UNC13B: variants seen among roughly 807,000 people sequenced by gnomAD.
UNC13B encodes unc-13 homolog B.
UNC13B carries 144 observed loss-of-function variants against 211.0 expected under a neutral mutation model. The observed-to-expected ratio is 0.68, with a 90% CI of 0.60 to 0.78. The LOEUF (loss-of-function observed/expected upper bound fraction) is 0.78, where lower values mean the gene tolerates loss of function less well. UNC13B is among the 30% of genes least tolerant of loss of function. The pLI, the probability that UNC13B is intolerant of heterozygous loss-of-function variation, is 0.00. For missense variants in UNC13B, 1,777 were observed against 2,002.0 expected, an observed-to-expected ratio of 0.89 and a Z score of 2.14; for synonymous variants, 709 against 725.8, an observed-to-expected ratio of 0.98 and a Z score of 0.37.
chr9:35,315,115 C>T (rs1478047446), intron 11 of UNC13B, among the ~76,000 whole-genome samples: 1 of 145,894 alleles, frequency 6.9e-6, no homozygotes, highest in Non-Finnish European at 1.5e-5. Flanking sequence ...TGGTCTTGAA[C>T]TCCTGGCCTG....
chr9:35,213,763 G>A (rs575200053), intron 1 of UNC13B, among the ~76,000 whole-genome samples: 9 of 152,250 alleles, frequency 5.9e-5, no homozygotes, highest in African/African-American at 1.2e-4. Flanking sequence ...TCTGACTTGA[G>A]TATTCATAAC....
chr9:35,316,270 CATT>C (rs1830444994), intron 11 of UNC13B, among the ~76,000 whole-genome samples: 1 of 152,124 alleles, frequency 6.6e-6, no homozygotes, highest in Admixed American at 6.5e-5. Flanking sequence ...CCTTTTCTCT[CATT>C]AATTTATTTA....
At chr9:35,364,802 G>A (rs544468633) in intron 11 of UNC13B, among the ~76,000 whole-genome samples, 15 of 152,304 alleles carry the variant, frequency 9.8e-5, no homozygotes, top group African/African-American at 2.9e-4. Flanking sequence ...GCGAGAATGT[G>A]TGTGCACCAG....
chr9:35,163,770 G>C (rs1014396249), intron 1 of UNC13B, among the ~76,000 whole-genome samples: 1 of 152,138 alleles, frequency 6.6e-6, no homozygotes, highest in Non-Finnish European at 1.5e-5. Context: ...TAGCAGGCAG[G>C]TTTCATTGTC....
rs1269030526 is a variant in UNC13B at position 35,277,100 on chromosome 9, T to G, written c.526+18050T>G. On this transcript the variant is annotated intron_variant, in intron 7 of 39. Coordinates refer to ENST00000635942, the MANE Select transcript of UNC13B (RefSeq NM_001371189.2). ...TCTTTGGTTTCTTAGTTTTGCTGTC[T>G]GATATGTTAGGTACTCAGGGAGTGA... Among the ~76,000 whole-genome samples, 3 of 152,116 alleles carry G rather than the reference T, an allele frequency of 2.0e-5. No individual in the cohort carries two copies. In the East Asian group the frequency reaches 5.8e-4, roughly 29 times the overall value.
In UNC13B at chr9:35,237,791, A is replaced by C. The variant is rs778739015; in HGVS notation, c.359A>C (p.Lys120Thr). Residue 120 changes from lysine (K) to threonine (T), a missense_variant, in exon 5 of 40, where the codon AAA becomes ACA. By Grantham distance (78) the Lys-to-Thr change is moderately conservative. Transcript: ENST00000635942. ...GGAACTAGAAACCCAACTCCTCATA[A>C]AATTTTGCTTGATACAAGATTTGAG... ...ICGTRNPTPH[K>T]ILLDTRFELP... 5 of 1,613,694 alleles carry C rather than the reference A, an allele frequency of 3.1e-6. No homozygotes were observed. Among genetic ancestry groups the C allele is most frequent in the Non-Finnish European group, 8.5e-7 (1 of 1,179,902 alleles).
intron 1 of UNC13B, among the ~76,000 whole-genome samples, chr9:35,219,029 G>A (rs1019819222): frequency 2.0e-5 from 3 of 152,178 alleles, no homozygotes; most frequent in South Asian, 4.1e-4. Flanking sequence ...GATTACAGGC[G>A]TGAGCCACTG....
chr9:35,223,970 A>G (rs563032149), intron 1 of UNC13B, among the ~76,000 whole-genome samples: 6 of 151,980 alleles, frequency 3.9e-5, no homozygotes, highest in Non-Finnish European at 8.8e-5. Context: ...AAATACATGG[A>G]TTTATTTCTG....
intron 24 of UNC13B, among the ~76,000 whole-genome samples, chr9:35,389,205 A>G (rs1835371334): frequency 6.6e-6 from 1 of 151,986 alleles, no homozygotes; most frequent in Non-Finnish European, 1.5e-5. Context: ...ATTTCTCTTT[A>G]CCTGAAAGTC....
Position 35,231,102 on chromosome 9 carries a change from T to G in UNC13B, c.53-18T>G. 1 of 1,531,830 alleles carries G rather than the reference T, an allele frequency of 6.5e-7. No individual in the cohort carries two copies. The highest frequency in any genetic ancestry group is 9.0e-7 in the Non-Finnish European group (1 of 1,106,028). 94.9% of individuals were successfully genotyped at this position (1,531,830 alleles called of 1,614,324 possible). A position where few individuals can be genotyped will look rare whatever the true frequency, so the allele number is the denominator to read the frequency against. On this transcript the variant is annotated intron_variant, in intron 2 of 39. Transcript: ENST00000635942. ...CTGAGCACTAAGTATTATGTCTCCA[T>G]TTTGTATTTTTTCAAAGATAAATTT...
intron 6 of UNC13B, among the ~76,000 whole-genome samples, chr9:35,247,114 A>T (rs1383583035): frequency 6.6e-6 from 1 of 152,184 alleles, no homozygotes; most frequent in Non-Finnish European, 1.5e-5. Flanking sequence ...TCTTTGAAGC[A>T]ACTGTGAATG....
intron 4 of UNC13B, among the ~76,000 whole-genome samples, chr9:35,237,006 T>C (rs1438593599): frequency 6.6e-6 from 1 of 152,194 alleles, no homozygotes; most frequent in Admixed American, 6.5e-5. Context: ...TCCAAGGAAC[T>C]AGTTTTCAGT....
At chr9:35,181,640 C>G (rs759817835) in intron 1 of UNC13B, among the ~76,000 whole-genome samples, 22 of 152,048 alleles carry the variant, frequency 1.4e-4, no homozygotes, top group Admixed American at 3.3e-4. Flanking sequence ...AGTTTGAGAC[C>G]AGCCTGGCCA....
At chr9:35,244,854 T>C (rs1825996434) in intron 6 of UNC13B, among the ~76,000 whole-genome samples, 1 of 152,184 alleles carries the variant, frequency 6.6e-6, no homozygotes, top group Admixed American at 6.5e-5. Flanking sequence ...GTGAGTTAAA[T>C]GAAAGATGAA....
chr9:35,385,615 G>A, intron 22 of UNC13B, 109 bp from the exon 23 acceptor site: 1 of 1,439,426 alleles, frequency 6.9e-7, no homozygotes, highest in Non-Finnish European at 9.2e-7. Flanking sequence ...CTCAACTAGA[G>A]AAAAACCCAG....
chr9:35,263,711 A>C (rs532599005), intron 7 of UNC13B, among the ~76,000 whole-genome samples: 1 of 152,260 alleles, frequency 6.6e-6, no homozygotes, highest in South Asian at 2.1e-4. Flanking sequence ...CAATATTATT[A>C]TATTTGGAGA....
intron 1 of UNC13B, among the ~76,000 whole-genome samples, chr9:35,203,081 C>T (rs1823411937): frequency 6.6e-6 from 1 of 152,174 alleles, no homozygotes; most frequent in Non-Finnish European, 1.5e-5. Flanking sequence ...TGTGAGCCAC[C>T]ATGCCCGGCC....
chr9:35,289,739 G>A (rs1828989748), intron 7 of UNC13B, among the ~76,000 whole-genome samples: 1 of 152,178 alleles, frequency 6.6e-6, no homozygotes, highest in South Asian at 2.1e-4. Flanking sequence ...CACTTTGGGA[G>A]GCTGAGGCGG....
chr9:35,377,306 G>A (rs1182136752), intron 15 of UNC13B, among the ~76,000 whole-genome samples, 162 bp from the exon 16 acceptor site: 2 of 152,192 alleles, frequency 1.3e-5, no homozygotes, highest in African/African-American at 2.4e-5. Flanking sequence ...TCATGAAGGG[G>A]TGGCAAGTGC....
Sources: allele counts gnomAD v4.1 joint callset (sites outside exome capture counted in the v4.1 genomes callset), GRCh38; gene constraint gnomAD v4.1.1; transcripts MANE v1.5; gene names NCBI Gene and HGNC (gene_info 2026-07-23, HGNC 2026-07-21).